ZC3H4: variants seen among roughly 807,000 people sequenced by gnomAD.
The protein encoded by ZC3H4 is zinc finger CCCH domain-containing protein 4.
A neutral mutation model predicts 108.3 loss-of-function variants in ZC3H4; 13 were observed. The ratio of observed to expected loss-of-function variants is 0.12; its 90% CI spans 0.08 to 0.19. The LOEUF is 0.19. ZC3H4 is among the 10% of genes least tolerant of loss of function. The pLI is 1.00. For synonymous variants in ZC3H4, 917 were observed against 749.6 expected, an observed-to-expected ratio of 1.22 and a Z score of -3.65; for missense variants, 1,734 against 1,838.8, an observed-to-expected ratio of 0.94 and a Z score of 1.04.
chr19:47,086,578 G>T, intron 5 of ZC3H4, 40 bp from the exon 6 acceptor site: 1 of 1,532,632 alleles, frequency 6.5e-7, no homozygotes. Context: ...AGCAGGAGCA[G>T]ATGCCACCAG....
chr19:47,070,885 C>T (rs1230550575), intron 13 of ZC3H4, among the ~76,000 whole-genome samples: 1 of 152,324 alleles, frequency 6.6e-6, no homozygotes, highest in African/African-American at 2.4e-5. Context: ...CCCACGGCAC[C>T]GTGTCCAAAC....
chr19:47,088,532 G>A (rs535436630), intron 5 of ZC3H4, among the ~76,000 whole-genome samples: 2 of 151,492 alleles, frequency 1.3e-5, no homozygotes, highest in African/African-American at 4.8e-5. Context: ...TGGGCAAAAA[G>A]TGAAACTCTG....
chr19:47,089,204 CAAAAAAAAAAAAA>C (rs888647856), intron 5 of ZC3H4, among the ~76,000 whole-genome samples: 4 of 26,850 alleles, frequency 1.5e-4, no homozygotes, highest in East Asian at 1.4e-3. Flanking sequence ...GACTCCGTCT[CAAAAAAAAAAAAA>C]AAAAAAAAAA....
chr19:47,085,978 C>A (rs909495414), intron 6 of ZC3H4, among the ~76,000 whole-genome samples: 1 of 152,276 alleles, frequency 6.6e-6, no homozygotes, highest in East Asian at 1.9e-4. Context: ...ATTCTCCTGC[C>A]TCAGACTCCT....
chr19:47,068,482 G>C (rs1012476586), intron 14 of ZC3H4, among the ~76,000 whole-genome samples: 1 of 152,236 alleles, frequency 6.6e-6, no homozygotes, highest in Non-Finnish European at 1.5e-5. Context: ...CGGCTGGGCA[G>C]ACTCAGACAT....
chr19:47,098,811 T>C (rs971065975), intron 2 of ZC3H4, among the ~76,000 whole-genome samples: 1 of 152,164 alleles, frequency 6.6e-6, no homozygotes, highest in South Asian at 2.1e-4. Context: ...AAAGTAGACA[T>C]GATATTTCAA....
chr19:47,088,485 T>G (rs549206076), intron 5 of ZC3H4, among the ~76,000 whole-genome samples: 141 of 151,340 alleles, frequency 9.3e-4, no homozygotes, highest in African/African-American at 3.2e-3. Flanking sequence ...GAGGCAGAGG[T>G]TGCAGTGAGC....
intron 2 of ZC3H4, among the ~76,000 whole-genome samples, chr19:47,100,173 A>C: frequency 6.6e-6 from 1 of 152,204 alleles, no homozygotes; most frequent in East Asian, 1.9e-4. Flanking sequence ...AATTCAGCTC[A>C]GGGCTCATGC....
In ZC3H4 at chr19:47,069,179, G is replaced by A. The variant is rs532085565; in HGVS notation, c.2311C>T (p.Leu771=). Residue 771 remains leucine, a synonymous_variant, in exon 14 of 15, where the codon CTG becomes TTG. Coordinates refer to ENST00000253048, the MANE Select transcript of ZC3H4 (RefSeq NM_015168.2). ...TCCTGCTGCTTCTGCTGGATCCTCA[G>A]GTACAGGGCCCTCTGGGCTGAGGGC... ...FLPSAQRALY[L]RIQQKQQEEE... is the part of the protein sequence containing the mutation. The A allele has an allele frequency of 1.2e-6, 2 of 1,610,332 alleles. No individual in the cohort carries two copies. Among genetic ancestry groups the A allele is most frequent in the East Asian group, 2.2e-5 (1 of 44,878 alleles).
intron 9 of ZC3H4, among the ~76,000 whole-genome samples, 167 bp from the exon 10 acceptor site, chr19:47,082,462 G>A (rs2057542076): frequency 6.6e-6 from 1 of 152,118 alleles, no homozygotes; most frequent in Non-Finnish European, 1.5e-5. Flanking sequence ...AGGTCCCAAA[G>A]GCTGTTGGGA....
At position 47,066,638 on chromosome 19, in the gene ZC3H4, G is replaced by A. The variant is rs760488205; in HGVS notation, c.3630C>T (p.Thr1210=). Residue 1210 remains threonine (T), a synonymous_variant, in exon 15 of 15, where the codon ACC becomes ACT. Transcript: ENST00000253048. The stretch of plus-strand genomic sequence containing the variant: ...TGTAGCTGTTGTATCTGTCCGTGGG[G>A]GTGCCCCCATCAGCACCGGCCTTCC... ...ETGKAGADGG[T]PTDRYNSYNR... is the part of the protein sequence containing the mutation. 7.4e-6 allele frequency: 12 copies of A among 1,611,928 alleles called. No homozygotes were observed. In the East Asian group the frequency reaches 2.5e-4, roughly 33 times the overall value.
Position 47,067,109 on chromosome 19 carries a change from G to A in ZC3H4, c.3159C>T (p.Val1053=), listed in dbSNP as rs780527350. The change falls in exon 15 of 15, where the codon GTC becomes GTT. Residue 1053 remains valine, a synonymous_variant. Coordinates refer to ENST00000253048, the MANE Select transcript of ZC3H4 (RefSeq NM_015168.2). The surrounding 1 kb of genome is among the most constrained non-coding windows in gnomAD (Gnocchi z 6.4). ...GGGCGGCCGAGGAGCCGGTGGCATT[G>A]ACTGTCTTGAGGATGCGAGACAGAA... is the stretch of plus-strand genomic sequence containing the variant. ...FELLSRILKT[V]NATGSSAAPG... The A allele has an allele frequency of 1.2e-6, 2 of 1,611,772 alleles. No homozygotes were observed. The highest frequency in any genetic ancestry group is 1.7e-6 in the Non-Finnish European group (2 of 1,178,928).
In ZC3H4 at chr19:47,067,097, G is replaced by A. The variant is rs200138538; in HGVS notation, c.3171C>T (p.Gly1057=). The A allele has an allele frequency of 3.2e-3, 5,187 of 1,611,482 alleles. 10 individuals carry two copies. Among genetic ancestry groups the A allele is most frequent in the Non-Finnish European group, 4.0e-3 (4,742 of 1,178,792 alleles). Residue 1057 remains glycine, a synonymous_variant, in exon 15 of 15, where the codon GGC becomes GGT. Transcript: ENST00000253048. The surrounding 1 kb of genome is among the most constrained non-coding windows in gnomAD (Gnocchi z 6.4). ...CGCTGGAACCGGGGGCGGCCGAGGA[G>A]CCGGTGGCATTGACTGTCTTGAGGA... ...SRILKTVNAT[G]SSAAPGSSDK...
At chr19:47,088,876 A>G (rs952786311) in intron 5 of ZC3H4, among the ~76,000 whole-genome samples, 1 of 152,130 alleles carries the variant, frequency 6.6e-6, no homozygotes, top group Admixed American at 6.5e-5. Flanking sequence ...CCCAAAGCAC[A>G]GGGGCTGCCC....
At chr19:47,082,681 G>C (rs546872616) in intron 9 of ZC3H4, among the ~76,000 whole-genome samples, 1 of 152,186 alleles carries the variant, frequency 6.6e-6, no homozygotes, top group East Asian at 1.9e-4. Context: ...GTGATGCTCG[G>C]AGGCACAGCA....
At chr19:47,077,240 G>A (rs1007214972) in intron 11 of ZC3H4, among the ~76,000 whole-genome samples, 2 of 151,746 alleles carry the variant, frequency 1.3e-5, no homozygotes, top group African/African-American at 2.4e-5. Flanking sequence ...GGAGGCCTGC[G>A]GGTGGATCAC....
At position 47,094,411 on chromosome 19, in the gene ZC3H4, T is replaced by C. The variant is rs767885011; in HGVS notation, c.359A>G (p.Lys120Arg). 1.2e-6 allele frequency: 2 copies of C among 1,614,206 alleles called. No homozygotes were observed. Among genetic ancestry groups the C allele is most frequent in the Admixed American group, 3.3e-5 (2 of 60,022 alleles). Residue 120 changes from lysine (K) to arginine (R), a missense_variant, in exon 3 of 15, where the codon AAG (lysine) becomes AGG (arginine). Physicochemically the swap from Lys to Arg is conservative, Grantham distance 26. Transcript: ENST00000253048. ...TACTTTGTGCTTGGATTTCCTCCTC[T>C]TCTTCGACCTCCTTTTCTCTTTCTC... ...EREKEKRRSK[K>R]RRKSKHKRHA...
intron 11 of ZC3H4, among the ~76,000 whole-genome samples, chr19:47,078,958 C>T (rs940664412): frequency 2.0e-5 from 3 of 149,292 alleles, no homozygotes; most frequent in Non-Finnish European, 4.5e-5. Flanking sequence ...ACCCAGAAGG[C>T]GAAGGTTGCG....
rs1225442109 is a variant in ZC3H4, at chr19:47,067,063, T to A, written c.3205A>T (p.Ser1069Cys). 6.2e-7 allele frequency: 1 copy of A among 1,608,812 alleles called. No homozygotes were observed. Among genetic ancestry groups the A allele is most frequent in the Non-Finnish European group, 8.5e-7 (1 of 1,177,716 alleles). Residue 1069 changes from serine (S) to cysteine (C), a missense_variant, in exon 15 of 15, where the codon AGT becomes TGT. Ser to Cys is a moderately radical substitution (Grantham distance 112, BLOSUM62 -1). Around this residue, in one of 9 missense-constraint regions of ZC3H4, gnomAD observed 518 missense variants for 499.6 expected, o/e 1.04. Coordinates refer to ENST00000253048, the MANE Select transcript of ZC3H4 (RefSeq NM_015168.2). This position sits in a 1 kb window ranked among gnomAD's most constrained non-coding sequence, Gnocchi z 6.4. ...SAAPGSSDKP[S>C]DPRVRKAPTD... ...GGGGCCTTCCGCACCCGGGGGTCAC[T>A]GGGTTTGTCGCTGGAACCGGGGGCG...
Sources: allele counts gnomAD v4.1 joint callset (sites outside exome capture counted in the v4.1 genomes callset), GRCh38; gene constraint gnomAD v4.1.1; regional missense constraint gnomAD v4.1.1; non-coding constraint Gnocchi (gnomAD v3.1); transcripts MANE v1.5; gene names NCBI Gene and HGNC (gene_info 2026-07-23, HGNC 2026-07-21).